The following ZNF362 variants were observed in gnomAD, a reference collection of about 807,000 sequenced individuals.
ZNF362 encodes the protein rotund homolog.
A neutral mutation model predicts 42.9 loss-of-function variants in ZNF362; 11 were observed. That is an observed-to-expected ratio of 0.26 (90% CI 0.16 to 0.42). The LOEUF (loss-of-function observed/expected upper bound fraction) is 0.42, where lower values mean the gene tolerates loss of function less well. Among genes scored for constraint, ZNF362 ranks in the 20% least tolerant of loss-of-function variants. ZNF362 has a pLI of 1.00. For missense variants in ZNF362, 362 were observed against 576.2 expected (o/e 0.63, Z 3.81); for synonymous variants, 255 against 257.3 (o/e 0.99, Z 0.09).
the ZNF362 span, among the ~76,000 whole-genome samples, chr1:33,192,014 C>T: frequency 1.3e-5 from 2 of 152,222 alleles, no homozygotes; most frequent in African/African-American, 4.8e-5. Flanking sequence ...GAGTGGGACA[C>T]TTCTACTACT....
chr1:33,252,675 C>T (rs937598800), upstream of ZNF362, among the ~76,000 whole-genome samples: 8 of 152,192 alleles, frequency 5.3e-5, no homozygotes, highest in Non-Finnish European at 1.2e-4. Flanking sequence ...GCCTGGGACC[C>T]TAACTGAAAC....
chr1:33,280,051 CAT>C lies in ZNF362; in HGVS notation c.350-71_350-70del. 7.4e-6 allele frequency: 11 copies of C among 1,491,074 alleles called. No homozygotes were observed. The highest frequency in any genetic ancestry group is 9.8e-6 in the Non-Finnish European group (11 of 1,119,942). 92.4% of individuals were successfully genotyped at this position (1,491,074 alleles called of 1,614,324 possible). A position where few individuals can be genotyped will look rare whatever the true frequency, so the allele number is the denominator to read the frequency against. ...AGGGGATGCTCGCCTGCCAAAATCA[CAT>C]AGCTGGGTGGGCAGCTGAGCTGGCC... On this transcript the variant is annotated intron_variant, in intron 4 of 8. Transcript: ENST00000539719. The surrounding 1 kb of genome is among the most constrained non-coding windows in gnomAD (Gnocchi z 5.6).
rs1645995867 is a variant in ZNF362 at position 33,281,680 on chromosome 1, C to T, written c.777C>T (p.His259=). 2.5e-6 allele frequency: 4 copies of T among 1,614,150 alleles called. No homozygotes were observed. Among genetic ancestry groups the T allele is most frequent in the South Asian group, 2.2e-5 (2 of 91,096 alleles). ...AGGCCAAGCCCCACAAGTGCCCGCA[C>T]TGCTCCAAGTCCTTTGCCAACGCCT... ...HTEAKPHKCP[H]CSKSFANASY... Residue 259 remains histidine, a synonymous_variant, in exon 6 of 9, where the codon CAC becomes CAT. Transcript: ENST00000539719. This position sits in a 1 kb window ranked among gnomAD's most constrained non-coding sequence, Gnocchi z 4.8.
intron 8 of ZNF362, among the ~76,000 whole-genome samples, chr1:33,297,934 G>T (rs573126498): frequency 6.6e-6 from 1 of 152,320 alleles, no homozygotes; most frequent in South Asian, 2.1e-4. Flanking sequence ...ATTCACTGAA[G>T]AATAGTTTCC....
the ZNF362 span, among the ~76,000 whole-genome samples, chr1:33,154,662 G>C: frequency 6.6e-6 from 1 of 151,536 alleles, no homozygotes; most frequent in South Asian, 2.1e-4. Context: ...GCTGGGTGCA[G>C]TGGCGTGTGC....
the ZNF362 span, among the ~76,000 whole-genome samples, chr1:33,225,352 A>C: frequency 6.6e-6 from 1 of 152,096 alleles, no homozygotes; most frequent in African/African-American, 2.4e-5. Context: ...CATATTATAT[A>C]TTTTACTTAC....
chr1:33,218,978 C>CACACACACACACACACACAT, the ZNF362 span, among the ~76,000 whole-genome samples: 62 of 134,436 alleles, frequency 4.6e-4, no homozygotes, highest in East Asian at 1.3e-3. Context: ...CACACACACA[C>CACACACACACACACACACAT]ACATACACCA....
the ZNF362 span, chr1:33,158,276 G>T: frequency 6.2e-7 from 1 of 1,614,034 alleles, no homozygotes; most frequent in Non-Finnish European, 8.5e-7. Context: ...CTGGAACAGG[G>T]ACTTCCAGAT....
At chr1:33,147,189 G>A in the ZNF362 span, 11 of 1,613,506 alleles carry the variant, frequency 6.8e-6, no homozygotes, top group East Asian at 2.2e-5. The surrounding 1 kb of genome is among the most constrained non-coding windows in gnomAD (Gnocchi z 8.1). Flanking sequence ...AGATGCGGAC[G>A]GTGTTGATCC....
the ZNF362 span, among the ~76,000 whole-genome samples, chr1:33,177,073 ACACACATGCATGCACAAATG>A: frequency 2.4e-4 from 35 of 147,912 alleles, no homozygotes; most frequent in African/African-American, 8.3e-4. The surrounding 1 kb of genome is among the most constrained non-coding windows in gnomAD (Gnocchi z 4.1). Flanking sequence ...ACATGCACAC[ACACACATGCATGCACAAATG>A]CACACACATG....
chr1:33,159,717 GA>G, the ZNF362 span: 1 of 1,611,026 alleles, frequency 6.2e-7, no homozygotes. This position sits in a 1 kb window ranked among gnomAD's most constrained non-coding sequence, Gnocchi z 4.2. Context: ...CCCCAGCCAG[GA>G]AGGTGTGCCG....
chr1:33,240,376 C>A, the ZNF362 span, among the ~76,000 whole-genome samples: 1 of 152,146 alleles, frequency 6.6e-6, no homozygotes, highest in Non-Finnish European at 1.5e-5. Context: ...TCACCATGTG[C>A]CAACAATTCA....
At chr1:33,209,940 G>A in the ZNF362 span, among the ~76,000 whole-genome samples, 1 of 151,932 alleles carries the variant, frequency 6.6e-6, no homozygotes, top group African/African-American at 2.4e-5. Flanking sequence ...GTTCTGCTCT[G>A]ATCTTAGTTA....
At chr1:33,181,826 G>C in the ZNF362 span, among the ~76,000 whole-genome samples, 2 of 151,580 alleles carry the variant, frequency 1.3e-5, no homozygotes, top group Non-Finnish European at 2.9e-5. This position sits in a 1 kb window ranked among gnomAD's most constrained non-coding sequence, Gnocchi z 6.5. Context: ...GAAATCCCGG[G>C]GTGGGGGCGG....
the ZNF362 span, among the ~76,000 whole-genome samples, chr1:33,199,423 G>A: frequency 8.5e-5 from 13 of 152,132 alleles, no homozygotes; most frequent in Non-Finnish European, 1.6e-4. Flanking sequence ...TACACCCATT[G>A]AAAATATATT....
At chr1:33,136,289 CCTTT>C in the ZNF362 span, among the ~76,000 whole-genome samples, 11 of 149,532 alleles carry the variant, frequency 7.4e-5, no homozygotes, top group African/African-American at 9.9e-5. Context: ...CTCTTCCTTT[CCTTT>C]CTTTCTTTTT....
the ZNF362 span, among the ~76,000 whole-genome samples, chr1:33,168,372 G>A: frequency 7.0e-6 from 1 of 141,852 alleles, no homozygotes; most frequent in Admixed American, 7.5e-5. Context: ...TAGGAAGCTG[G>A]CTGTCTGAGA....
chr1:33,236,550 A>AAAAAAAAAAAAATATATATATATATAT, the ZNF362 span, among the ~76,000 whole-genome samples: 3 of 5,976 alleles, frequency 5.0e-4, no homozygotes, highest in Non-Finnish European at 7.4e-4. Context: ...AAAAAAAAAA[A>AAAAAAAAAAAAATATATATATATATAT]ATATATATAT....
chr1:33,165,357 G>T, the ZNF362 span: 2 of 1,003,944 alleles, frequency 2.0e-6, no homozygotes, highest in Non-Finnish European at 2.9e-6. The surrounding 1 kb of genome is among the most constrained non-coding windows in gnomAD (Gnocchi z 4.0). Context: ...GCTCCTTGAA[G>T]CCAGGTTTCC....
Sources: allele counts gnomAD v4.1 joint callset (sites outside exome capture counted in the v4.1 genomes callset), GRCh38; gene constraint gnomAD v4.1.1; non-coding constraint Gnocchi (gnomAD v3.1); transcripts MANE v1.5; gene names NCBI Gene and HGNC (gene_info 2026-07-23, HGNC 2026-07-21).